Variants in NLRP9 observed in about 807,000 individuals in gnomAD.
NLRP9 encodes NLR family pyrin domain containing 9.
Under a neutral mutation model 83.1 loss-of-function variants are expected in NLRP9, and 88 were observed. The observed-to-expected ratio is 1.06, with a 90% confidence interval of 0.89 to 1.26. The LOEUF is 1.26. Among genes scored for constraint, NLRP9 ranks in the 50% most tolerant of loss-of-function variants. The probability of loss-of-function intolerance (pLI) is 0.00; values close to 1 mark genes in which losing one functional copy is unlikely to be tolerated. For synonymous variants in NLRP9, 521 were observed against 447.6 expected (o/e 1.16, Z -2.07); for missense variants, 1,308 against 1,179.3 (o/e 1.11, Z -1.60).
intron 2 of NLRP9, among the ~76,000 whole-genome samples, chr19:55,731,700 G>A (rs1988574510): frequency 1.4e-5 from 2 of 146,984 alleles, no homozygotes; most frequent in African/African-American, 5.1e-5. Context: ...CTCCAGCCTG[G>A]GTGATAGAGC....
intron 4 of NLRP9, among the ~76,000 whole-genome samples, chr19:55,719,984 T>C (rs1988173362): frequency 6.6e-6 from 1 of 152,158 alleles, no homozygotes; most frequent in Non-Finnish European, 1.5e-5. Flanking sequence ...AATTACATCT[T>C]TAACATGTAA....
At chr19:55,717,025 C>G in intron 4 of NLRP9, 127 bp from the exon 5 acceptor site, 1 of 569,120 alleles carries the variant, frequency 1.8e-6, no homozygotes, top group African/African-American at 2.0e-5. Flanking sequence ...ACACTACAGA[C>G]TCTTTTTCTT....
At chr19:55,726,362 T>A (rs1988404303) in intron 3 of NLRP9, among the ~76,000 whole-genome samples, 1 of 152,216 alleles carries the variant, frequency 6.6e-6, no homozygotes, top group African/African-American at 2.4e-5. Context: ...CTATTTGCCT[T>A]GTCAACTTTT....
At chr19:55,711,459 T>C (rs1987721678) in intron 8 of NLRP9, 1 of 1,309,662 alleles carries the variant, frequency 7.6e-7, no homozygotes, top group Non-Finnish European at 1.0e-6. Context: ...TGGCGTTGCA[T>C]ATTTATGGGC....
intron 4 of NLRP9, among the ~76,000 whole-genome samples, chr19:55,723,285 C>A (rs1400407589): frequency 6.6e-6 from 1 of 152,178 alleles, no homozygotes; most frequent in East Asian, 1.9e-4. Context: ...ATGCTGTCAA[C>A]TGCCAAATCA....
chr19:55,709,418 A>G (rs1289787910), intron 8 of NLRP9: 1 of 155,808 alleles, frequency 6.4e-6, no homozygotes, highest in Non-Finnish European at 1.4e-5. Flanking sequence ...AGAGACACTA[A>G]TATAATGAAT....
chr19:55,715,733 A>G (rs1987983420), intron 5 of NLRP9, among the ~76,000 whole-genome samples: 1 of 151,526 alleles, frequency 6.6e-6, no homozygotes, highest in Admixed American at 6.6e-5. Context: ...AGATGTACAG[A>G]AAGATGAATG....
At chr19:55,714,385 A>C (rs1436283179) in intron 6 of NLRP9, among the ~76,000 whole-genome samples, 1 of 150,738 alleles carries the variant, frequency 6.6e-6, no homozygotes, top group East Asian at 2.0e-4. Flanking sequence ...TCGATTCTTT[A>C]AGGAGGCTCT....
In NLRP9 at chr19:55,729,849, C is replaced by T. The variant is rs1600140051; in HGVS notation, c.1976G>A (p.Cys659Tyr). ...ILCKALAQPV[C>Y]KLRKLIFTSV... ...AACTTACATGAGTTTTCGGAGTTTA[C>T]AAACAGGCTGAGCCAGCGCTTTGCA... Residue 659 changes from cysteine (C) to tyrosine (Y), a missense_variant, in exon 3 of 9, where the codon TGT (cysteine) becomes TAT (tyrosine). By Grantham distance (194) the Cys-to-Tyr change is radical (BLOSUM62 -2). Transcript: ENST00000332836. 1 of 1,612,016 alleles carries T rather than the reference C, an allele frequency of 6.2e-7. No homozygotes were observed. Among genetic ancestry groups the T allele is most frequent in the Non-Finnish European group, 8.5e-7 (1 of 1,179,200 alleles).
chr19:55,735,085 G>C (rs866751850), intron 1 of NLRP9, among the ~76,000 whole-genome samples: 1 of 152,158 alleles, frequency 6.6e-6, no homozygotes, highest in Non-Finnish European at 1.5e-5. Context: ...GATTGCAAAG[G>C]GGCCCTACAG....
intron 5 of NLRP9, 76 bp downstream of exon 5, chr19:55,716,652 G>T: frequency 8.1e-7 from 1 of 1,234,410 alleles, no homozygotes; most frequent in Non-Finnish European, 1.2e-6. Flanking sequence ...AGTGAGCACC[G>T]CGTTGCTTTG....
intron 5 of NLRP9, 93 bp downstream of exon 5, chr19:55,716,633 GCA>G (rs1988024160): frequency 1.0e-6 from 1 of 995,934 alleles, no homozygotes; most frequent in Non-Finnish European, 1.6e-6. Context: ...GCATTCTGCT[GCA>G]CCCCTCAGTG....
At chr19:55,724,276 G>T (rs1469757845) in intron 3 of NLRP9, 132 bp from the exon 4 acceptor site, 4 of 601,070 alleles carry the variant, frequency 6.7e-6, no homozygotes, top group Non-Finnish European at 1.1e-5. Context: ...GGTTACTCCT[G>T]CCAGTAAATT....
intron 4 of NLRP9, 135 bp from the exon 5 acceptor site, chr19:55,717,033 C>CTTTTTT (rs397968319): frequency 1.9e-5 from 7 of 366,298 alleles, no homozygotes; most frequent in African/African-American, 2.5e-5. Flanking sequence ...GACTCTTTTT[C>CTTTTTT]TTTTTTTTTT....
At chr19:55,737,427 C>CCTG (rs1407137087) in intron 1 of NLRP9, 1 of 152,302 alleles carries the variant, frequency 6.6e-6, no homozygotes, top group Non-Finnish European at 1.5e-5. Flanking sequence ...TCCCCTGGGT[C>CCTG]AAAGACGATG....
intron 1 of NLRP9, among the ~76,000 whole-genome samples, chr19:55,736,478 A>G (rs11669614): frequency 0.18 from 27,182 of 152,196 alleles, 3,097 homozygotes; most frequent in Non-Finnish European, 0.27. Context: ...CAGTTCAGAC[A>G]CTGACTCGGT....
At chr19:55,733,828 A>AT (rs1988685038) in intron 1 of NLRP9, among the ~76,000 whole-genome samples, 1 of 151,548 alleles carries the variant, frequency 6.6e-6, no homozygotes, top group Admixed American at 6.6e-5. Context: ...GCAAATAAGG[A>AT]TGTGGATCTC....
chr19:55,728,348 G>A (rs1232901288), intron 3 of NLRP9, among the ~76,000 whole-genome samples: 6 of 152,052 alleles, frequency 3.9e-5, no homozygotes, highest in Non-Finnish European at 7.4e-5. Context: ...AGGCCGAGGC[G>A]GGCGCATCAC....
chr19:55,712,116 G>A (rs1987757561), intron 7 of NLRP9, 146 bp from the exon 8 acceptor site: 2 of 814,424 alleles, frequency 2.5e-6, no homozygotes, highest in Admixed American at 2.7e-5. Flanking sequence ...TTGTGCTCCT[G>A]GGGGACGTAT....
Sources: allele counts gnomAD v4.1 joint callset (sites outside exome capture counted in the v4.1 genomes callset), GRCh38; gene constraint gnomAD v4.1.1; transcripts MANE v1.5; gene names NCBI Gene and HGNC (gene_info 2026-07-23, HGNC 2026-07-21).